AGO4: variants seen among roughly 807,000 people sequenced by gnomAD.
The protein encoded by AGO4 is protein argonaute-4.
AGO4 carries 33 observed loss-of-function variants against 104.7 expected under a neutral mutation model. That is an observed-to-expected ratio of 0.32 (90% CI 0.24 to 0.42). The LOEUF (loss-of-function observed/expected upper bound fraction) is 0.42. AGO4 is among the 10% of genes least tolerant of loss of function. The pLI is 1.00. For missense variants in AGO4, 711 were observed against 1,083.4 expected (o/e 0.66, Z 4.83); for synonymous variants, 331 against 364.7 (o/e 0.91, Z 1.05).
Position 35,825,459 on chromosome 1 carries a change from A to T in AGO4, c.453A>T (p.Ala151=), listed in dbSNP as rs1175201312. ...AAGTCCCAGATGACTCAGTACAAGC[A>T]CTTGATGTTATCACAAGACACCTTC... ...LNEVPDDSVQ[A]LDVITRHLPS... Residue 151 remains alanine (A), a synonymous_variant, in exon 4 of 18, where the codon GCA becomes GCT. Coordinates refer to ENST00000373210, the MANE Select transcript of AGO4 (RefSeq NM_017629.4). 6.2e-7 allele frequency: 1 copy of T among 1,614,200 alleles called. No homozygotes were observed. Among genetic ancestry groups the T allele is most frequent in the Non-Finnish European group, 8.5e-7 (1 of 1,180,030 alleles).
chr1:35,849,221 A>T (rs900094417), intron 15 of AGO4, among the ~76,000 whole-genome samples: 23 of 152,308 alleles, frequency 1.5e-4, no homozygotes, highest in Middle Eastern at 6.8e-3. Context: ...GTAAGAGAAC[A>T]TCACCTAATT....
At chr1:35,813,722 C>T (rs1643584922) in intron 1 of AGO4, among the ~76,000 whole-genome samples, 1 of 151,536 alleles carries the variant, frequency 6.6e-6, no homozygotes, top group East Asian at 1.9e-4. Flanking sequence ...GCACTCCAGC[C>T]TGGGCAACAG....
chr1:35,841,895 T>C lies in AGO4; in HGVS notation c.2175+145T>C, dbSNP rs930281792. The C allele has an allele frequency of 4.2e-6, 2 of 470,886 alleles. No individual in the cohort carries two copies. Among genetic ancestry groups the C allele is most frequent in the African/African-American group, 4.1e-5 (2 of 48,982 alleles). 29.2% of individuals were successfully genotyped at this position (470,886 alleles called of 1,614,324 possible). On this transcript the variant is annotated intron_variant, in intron 15 of 17. Transcript: ENST00000373210. The surrounding 1 kb of genome is among the most constrained non-coding windows in gnomAD (Gnocchi z 4.7). ...CAGAAATGCCTGATAATAATTTAAC[T>C]GCAGTTGGGTTTAGATGACCAATTC...
rs895674300 is a variant in AGO4, at chr1:35,854,135, T to C, written c.*530T>C. 6.6e-6 allele frequency: 1 copy of C among 152,410 alleles called. No homozygotes were observed. The highest frequency in any genetic ancestry group is 1.5e-5 in the Non-Finnish European group (1 of 68,122). The allele number at this position is 152,410 out of a possible 1,614,324, so 9.4% of individuals were successfully genotyped here. A position where few individuals can be genotyped will look rare whatever the true frequency, so the allele number is the denominator to read the frequency against. Reference sequence around the variant, plus strand: ...AATGCCTTTAATGAGCATTAATTTTTGAAAGTTTTACAGAGTTTTATTAGT... The same window carrying C: ...AATGCCTTTAATGAGCATTAATTTTCGAAAGTTTTACAGAGTTTTATTAGT... On this transcript the variant is annotated 3_prime_UTR_variant, in exon 18 of 18. Transcript: ENST00000373210.
At chr1:35,852,660 T>C (rs899252865) in intron 17 of AGO4, among the ~76,000 whole-genome samples, 3 of 152,234 alleles carry the variant, frequency 2.0e-5, no homozygotes, top group Admixed American at 6.5e-5. Flanking sequence ...ACAAAATTGC[T>C]GCTTTCTTGG....
intron 7 of AGO4, among the ~76,000 whole-genome samples, chr1:35,828,456 C>G (rs1309079955): frequency 6.6e-6 from 1 of 152,072 alleles, no homozygotes; most frequent in African/African-American, 2.4e-5. Flanking sequence ...CTGTTGGTGT[C>G]TATGGCATCC....
chr1:35,820,694 TTAGAGCA>T (rs1420359566), intron 2 of AGO4, among the ~76,000 whole-genome samples: 1 of 151,762 alleles, frequency 6.6e-6, no homozygotes, highest in African/African-American at 2.4e-5. Flanking sequence ...ATGAGAGAAA[TTAGAGCA>T]TATTTGTATG....
At chr1:35,818,109 G>A (rs1014982410) in intron 2 of AGO4, among the ~76,000 whole-genome samples, 1 of 152,182 alleles carries the variant, frequency 6.6e-6, no homozygotes, top group African/African-American at 2.4e-5. Flanking sequence ...ATGGAAGATA[G>A]GAAATGGGGA....
intron 7 of AGO4, among the ~76,000 whole-genome samples, chr1:35,830,916 G>C (rs1320083895): frequency 6.8e-6 from 1 of 146,688 alleles, no homozygotes; most frequent in African/African-American, 2.5e-5. Context: ...AGATTGCAGT[G>C]AACCAAGATG....
rs1291169767 is a variant in AGO4, at chr1:35,857,117, C to G, written c.*3512C>G. Reference sequence around the variant, plus strand: ...TGCCTACCTGGCAAAGCTGCCTACCCTTCAAGTGGGAAAATATAATCCACT... The same window carrying G: ...TGCCTACCTGGCAAAGCTGCCTACCGTTCAAGTGGGAAAATATAATCCACT... On this transcript the variant is annotated 3_prime_UTR_variant, in exon 18 of 18. Coordinates refer to ENST00000373210, the MANE Select transcript of AGO4 (RefSeq NM_017629.4). 2 of 152,220 alleles carry G rather than the reference C, an allele frequency of 1.3e-5. No homozygotes were observed. The highest frequency in any genetic ancestry group is 2.9e-5 in the Non-Finnish European group (2 of 68,034). 9.4% of individuals were successfully genotyped at this position (152,220 alleles called of 1,614,324 possible).
intron 3 of AGO4, 132 bp from the exon 4 acceptor site, chr1:35,825,181 T>C: frequency 1.1e-6 from 1 of 882,406 alleles, no homozygotes. Flanking sequence ...CTAAGTTGTT[T>C]CCAATGTTAC....
In AGO4 at chr1:35,850,896, A is replaced by G; in HGVS notation, c.2320A>G (p.Asn774Asp). The G allele has an allele frequency of 1.9e-6, 3 of 1,613,644 alleles. No homozygotes were observed. ...PSHYQVLWDDNCFTADELQLL... is the reference protein window; with the variant it reads ...PSHYQVLWDDDCFTADELQLL... ...ACATTACCAGGTCTTGTGGGATGAC[A>G]ACTGCTTCACTGCAGATGAACTCCA... The change falls in exon 17 of 18, where the codon AAC (asparagine) becomes GAC (aspartate). Residue 774 changes from asparagine to aspartate, a missense_variant. Physicochemically the swap from Asn to Asp is conservative, Grantham distance 23 (BLOSUM62 1). Around this residue, in one of 3 missense-constraint regions of AGO4, gnomAD observed 401 missense variants for 665.5 expected, o/e 0.60. Coordinates refer to ENST00000373210, the MANE Select transcript of AGO4 (RefSeq NM_017629.4).
chr1:35,832,021 C>G (rs760706479), intron 9 of AGO4, 36 bp from the exon 10 acceptor site: 1 of 1,605,690 alleles, frequency 6.2e-7, no homozygotes, highest in African/African-American at 1.3e-5. Context: ...CAGTTACTCT[C>G]TGGTTTTTAT....
intron 17 of AGO4, chr1:35,851,298 T>A: frequency 5.8e-6 from 3 of 514,008 alleles, no homozygotes; most frequent in Non-Finnish European, 1.0e-5. Flanking sequence ...GGTTCTCCCA[T>A]GGAGCCAAAT....
chr1:35,846,615 A>G (rs1644580215), intron 15 of AGO4, among the ~76,000 whole-genome samples: 1 of 150,088 alleles, frequency 6.7e-6, no homozygotes, highest in Non-Finnish European at 1.5e-5. Flanking sequence ...ATATATATAT[A>G]TATATATATA....
chr1:35,852,261 A>G (rs1644719920), intron 17 of AGO4, among the ~76,000 whole-genome samples: 2 of 152,328 alleles, frequency 1.3e-5, no homozygotes, highest in African/African-American at 4.8e-5. Context: ...TTGGATATGC[A>G]TGTCAGAGGA....
In AGO4 at chr1:35,836,096, T is replaced by TTG; in HGVS notation, c.1724+105_1724+106dup. On this transcript the variant is annotated intron_variant, in intron 13 of 17. Transcript: ENST00000373210. ...ATATGCATCTAGATTACCTTTTCTC[T>TTG]TGTATATATATGCACCCATATACCC... is the stretch of plus-strand genomic sequence containing the variant. 4 of 1,275,176 alleles carry TTG rather than the reference T, an allele frequency of 3.1e-6. No homozygotes were observed. In the Middle Eastern group the frequency reaches 7.7e-4, roughly 245 times the overall value. The allele number at this position is 1,275,176 out of a possible 1,614,324, so 79.0% of individuals were successfully genotyped here. A position where few individuals can be genotyped will look rare whatever the true frequency, so the allele number is the denominator to read the frequency against.
Position 35,808,514 on chromosome 1 carries a change from C to T in AGO4, c.19+79C>T, listed in dbSNP as rs1643376147. 8.7e-7 allele frequency: 1 copy of T among 1,148,424 alleles called. No homozygotes were observed. The highest frequency in any genetic ancestry group is 1.1e-6 in the Non-Finnish European group (1 of 928,808). The allele number at this position is 1,148,424 out of a possible 1,614,324, so 71.1% of individuals were successfully genotyped here. A position where few individuals can be genotyped will look rare whatever the true frequency, so the allele number is the denominator to read the frequency against. ...GCGGCCGGGACTTTCGCTGCCCCGT[C>T]GCCTCGCCGGGTTCGGGCCGCCAGG... On this transcript the variant is annotated intron_variant, in intron 1 of 17. Coordinates refer to ENST00000373210, the MANE Select transcript of AGO4 (RefSeq NM_017629.4). The surrounding 1 kb of genome is among the most constrained non-coding windows in gnomAD (Gnocchi z 5.2).
intron 12 of AGO4, among the ~76,000 whole-genome samples, chr1:35,835,175 GC>G (rs1053617283): frequency 1.2e-4 from 18 of 151,138 alleles, no homozygotes; most frequent in African/African-American, 4.1e-4. Context: ...TCCTGCCTCA[GC>G]CCCCCCAAGT....
Sources: gnomAD v4.1 joint callset for allele counts (sites outside exome capture counted in the v4.1 genomes callset) on GRCh38, gnomAD v4.1.1 for gene constraint, gnomAD v4.1.1 regional missense constraint, Gnocchi (gnomAD v3.1) non-coding constraint, MANE v1.5 for transcripts, NCBI Gene and HGNC (gene_info 2026-07-23, HGNC 2026-07-21) for gene names.